The following BAZ2A variants were observed in gnomAD, a reference collection of about 807,000 sequenced individuals.
BAZ2A encodes bromodomain adjacent to zinc finger domain 2A, also known as bromodomain adjacent to zinc finger domain protein 2A.
BAZ2A carries 34 observed loss-of-function variants against 199.9 expected under a neutral mutation model. The observed-to-expected ratio is 0.17, with a 90% CI of 0.13 to 0.23. BAZ2A has a LOEUF of 0.23. BAZ2A is among the 10% of genes least tolerant of loss of function. The pLI is 1.00. For synonymous variants in BAZ2A, 857 were observed against 883.9 expected (o/e 0.97, Z 0.54); for missense variants, 2,002 against 2,391.1 (o/e 0.84, Z 3.39).
At chr12:56,632,535 C>T (rs1248239592), upstream of BAZ2A, among the ~76,000 whole-genome samples, 4 of 152,086 alleles carry the variant, frequency 2.6e-5, no homozygotes, top group Non-Finnish European at 5.9e-5. Flanking sequence ...CCGGAAGAGC[C>T]GGTTACTCCT....
chr12:56,632,706 T>G (rs974737751), upstream of BAZ2A, among the ~76,000 whole-genome samples: 1 of 152,088 alleles, frequency 6.6e-6, no homozygotes, highest in Non-Finnish European at 1.5e-5. Context: ...ATTCTTCCCA[T>G]CTGGTGCAGA....
chr12:56,619,131 G>T (rs1329483609), intron 1 of BAZ2A, among the ~76,000 whole-genome samples: 1 of 151,778 alleles, frequency 6.6e-6, no homozygotes, highest in African/African-American at 2.4e-5. Context: ...ATCACCTGAG[G>T]TCAGGAGTTC....
Position 56,602,727 on chromosome 12 carries a change from G to T in BAZ2A, c.3410C>A (p.Thr1137Lys). The stretch of plus-strand genomic sequence containing the variant: ...GGCACACCTACCTAAGTTCCCCTCT[G>T]TTCCTTCTACAAAGATACCAGCCAA... Reference protein sequence around the residue: ...PYLAGIFVEGTEGNLVPEEVI... With the variant: ...PYLAGIFVEGKEGNLVPEEVI... Residue 1137 changes from threonine to lysine, a missense_variant, in exon 19 of 29, where the codon ACA (threonine) becomes AAA (lysine). By Grantham distance (78) the Thr-to-Lys change is moderately conservative. This residue lies in a region of BAZ2A where 1,081 missense variants were observed against 1,274.7 expected (regional missense o/e 0.85). Transcript: ENST00000549884. 2 of 1,613,850 alleles carry T rather than the reference G, an allele frequency of 1.2e-6. No homozygotes were observed.
intron 2 of BAZ2A, among the ~76,000 whole-genome samples, chr12:56,615,979 C>T (rs1018589646): frequency 2.6e-5 from 4 of 152,288 alleles, no homozygotes; most frequent in Non-Finnish European, 2.9e-5. Context: ...TCTCGACCCA[C>T]GGCAACCTCT....
chr12:56,617,502 G>A lies in BAZ2A; in HGVS notation c.29C>T (p.Thr10Ile). Reference protein sequence around the residue: MEANDHFNFTGLPPAPAASG... With the variant: MEANDHFNFIGLPPAPAASG... ...GGCAGCAGGTGCAGGGGGAAGGCCA[G>A]TAAAGTTAAAATGGTCGTTTGCCTC... is the stretch of plus-strand genomic sequence containing the variant. Residue 10 changes from threonine (T) to isoleucine (I), a missense_variant, in exon 2 of 29, where the codon ACT (threonine) becomes ATT (isoleucine). Transcript: ENST00000549884. 1 of 1,608,810 alleles carries A rather than the reference G, an allele frequency of 6.2e-7. No individual in the cohort carries two copies. The highest frequency in any genetic ancestry group is 8.5e-7 in the Non-Finnish European group (1 of 1,177,708).
chr12:56,637,546 A>G (rs1247973200), upstream of BAZ2A, among the ~76,000 whole-genome samples: 1 of 152,228 alleles, frequency 6.6e-6, no homozygotes, highest in African/African-American at 2.4e-5. Context: ...AGTTAAGTAC[A>G]CTTTCTGAAG....
At chr12:56,606,430 T>G in intron 11 of BAZ2A, 118 bp from the exon 12 acceptor site, 2 of 1,279,700 alleles carry the variant, frequency 1.6e-6, no homozygotes, top group Non-Finnish European at 2.2e-6. Context: ...AATGAGGGGT[T>G]GGCAATGGAT....
upstream of BAZ2A, chr12:56,635,068 C>T: frequency 1.0e-6 from 1 of 981,526 alleles, no homozygotes; most frequent in Non-Finnish European, 1.2e-6. This position sits in a 1 kb window ranked among gnomAD's most constrained non-coding sequence, Gnocchi z 4.1. Context: ...GGAGGTGGTG[C>T]TTAAAGGGGC....
At chr12:56,600,894 T>A in intron 22 of BAZ2A, 49 bp downstream of exon 22, 1 of 1,611,786 alleles carries the variant, frequency 6.2e-7, no homozygotes, top group Non-Finnish European at 8.5e-7. Flanking sequence ...AGCAGCTCAA[T>A]GCTTATCCTG....
rs1885913510 is a variant in BAZ2A, at chr12:56,597,393, G to C, written c.*1225C>G. ...AAGATTGCACAGTCTGAAGAGGCTG[G>C]AACAAAAATGACCAGGAGAGAGACA... On this transcript the variant is annotated 3_prime_UTR_variant, in exon 29 of 29. Coordinates refer to ENST00000549884, the MANE Select transcript of BAZ2A (RefSeq NM_001300905.2). 1 of 152,296 alleles carries C rather than the reference G, an allele frequency of 6.6e-6. No individual in the cohort carries two copies. The allele number at this position is 152,296 out of a possible 1,614,324, so 9.4% of individuals were successfully genotyped here.
chr12:56,621,207 T>C (rs1167834627), intron 1 of BAZ2A: 3 of 985,148 alleles, frequency 3.0e-6, no homozygotes, highest in African/African-American at 3.5e-5. Flanking sequence ...ATTTTTCCAT[T>C]CTCTATTTGA....
intron 1 of BAZ2A, among the ~76,000 whole-genome samples, chr12:56,625,100 G>A (rs1297618642): frequency 6.6e-6 from 1 of 151,472 alleles, no homozygotes; most frequent in African/African-American, 2.4e-5. Context: ...CCACAGTCCA[G>A]AGGTTATATT....
rs780158999 is a variant in BAZ2A, at chr12:56,601,770, T to TGCTCAACAGGGAGCTATG, written c.3829_3846dup (p.His1277_Ser1282dup). 1.9e-5 allele frequency: 31 copies of TGCTCAACAGGGAGCTATG among 1,613,896 alleles called. No individual in the cohort carries two copies. Among genetic ancestry groups the TGCTCAACAGGGAGCTATG allele is most frequent in the Non-Finnish European group, 1.8e-5 (21 of 1,179,890 alleles). On this transcript the variant is annotated inframe_insertion, in exon 20 of 29. Transcript: ENST00000549884. ...CTGCTATCAGGTGTGAGGACTGAGC[T>TGCTCAACAGGGAGCTATG]GCTCAACAGGGAGCTATGGCTCTGA...
chr12:56,633,065 T>C (rs1034730282), upstream of BAZ2A, among the ~76,000 whole-genome samples: 3 of 152,088 alleles, frequency 2.0e-5, no homozygotes, highest in African/African-American at 7.2e-5. Context: ...CTCCAGGGAA[T>C]AGGCTGAACC....
intron 1 of BAZ2A, 58 bp downstream of exon 1, chr12:56,630,067 C>T (rs916699437): frequency 2.1e-6 from 2 of 933,862 alleles, no homozygotes; most frequent in African/African-American, 3.6e-5. Context: ...CCGAGGGAAG[C>T]CTCGGATGAA....
Position 56,622,209 on chromosome 12 carries a change from G to A in BAZ2A, c.-2-4677C>T, listed in dbSNP as rs184330176. ...CAAAAAATTAGCTGGGCGTGGTGGC[G>A]GGCACCTGTAATCCCAGCTACTCAG... On this transcript the variant is annotated intron_variant, in intron 1 of 28. Coordinates refer to ENST00000549884, the MANE Select transcript of BAZ2A (RefSeq NM_001300905.2). Among the ~76,000 whole-genome samples, 1,350 of 151,910 alleles carry A rather than the reference G, an allele frequency of 8.9e-3. 8 individuals carry two copies. The highest frequency in any genetic ancestry group is 0.014 in the Non-Finnish European group (977 of 67,938).
At chr12:56,632,613 A>C (rs1311747075), upstream of BAZ2A, among the ~76,000 whole-genome samples, 1 of 152,138 alleles carries the variant, frequency 6.6e-6, no homozygotes, top group Admixed American at 6.5e-5. Context: ...CTTTAGGACT[A>C]TTCCAGCCAG....
At chr12:56,631,450 C>CAAA (rs529753732), upstream of BAZ2A, among the ~76,000 whole-genome samples, 4,693 of 81,382 alleles carry the variant, frequency 0.058, 241 homozygotes, top group African/African-American at 0.16. Context: ...GACTCTATCT[C>CAAA]AAAAAAAAAA....
chr12:56,605,126 C>T lies in BAZ2A; in HGVS notation c.2695G>A (p.Val899Ile), dbSNP rs370900037. The change falls in exon 14 of 29, where the codon GTC becomes ATC. Residue 899 changes from valine to isoleucine, a missense_variant. Val to Ile is a conservative substitution (Grantham distance 29). Transcript: ENST00000549884. ...TGGAGTGCAGCCTTCAGCAGCCTGA[C>T]CAGCAGGTCTTGCACCTCACCCAAG... is the stretch of plus-strand genomic sequence containing the variant. ...DSLGEVQDLLVRLLKAALHDP... is the reference protein window; with the variant it reads ...DSLGEVQDLLIRLLKAALHDP... 6 of 1,613,628 alleles carry T rather than the reference C, an allele frequency of 3.7e-6. No homozygotes were observed. The highest frequency in any genetic ancestry group is 2.7e-5 in the African/African-American group (2 of 74,998).
Sources: gnomAD v4.1 joint callset for allele counts (sites outside exome capture counted in the v4.1 genomes callset) on GRCh38, gnomAD v4.1.1 for gene constraint, gnomAD v4.1.1 regional missense constraint, Gnocchi (gnomAD v3.1) non-coding constraint, MANE v1.5 for transcripts, NCBI Gene and HGNC (gene_info 2026-07-23, HGNC 2026-07-21) for gene names.